The following PCDH15 variants were observed in gnomAD, a reference collection of about 807,000 sequenced individuals.
PCDH15 encodes the protein protocadherin related 15.
In PCDH15, 129 loss-of-function variants were observed where a neutral mutation model predicts 178.5. That is an observed-to-expected ratio of 0.72 (90% CI 0.63 to 0.84). The LOEUF (loss-of-function observed/expected upper bound fraction) is 0.84. Among genes scored for constraint, PCDH15 ranks in the 40% least tolerant of loss-of-function variants. The pLI, the probability that PCDH15 is intolerant of heterozygous loss-of-function variation, is 0.00. For missense variants in PCDH15, 2,230 were observed against 2,099.9 expected (o/e 1.06, Z -1.21); for synonymous variants, 800 against 732.0 (o/e 1.09, Z -1.50).
chr10:54,058,484 C>A (rs1198857536), intron 18 of PCDH15, among the ~76,000 whole-genome samples: 1 of 152,028 alleles, frequency 6.6e-6, no homozygotes, highest in Non-Finnish European at 1.5e-5. Context: ...CTCACTATCC[C>A]AAGAACAGCA....
intron 2 of PCDH15, among the ~76,000 whole-genome samples, chr10:55,454,499 C>A (rs538779313): frequency 6.6e-6 from 1 of 151,782 alleles, no homozygotes; most frequent in Admixed American, 6.6e-5. Context: ...CTAGATAGGC[C>A]GGGTGCTGTG....
rs141338082 is a variant in PCDH15 at position 54,211,265 on chromosome 10, A to G, written c.1098+2671T>C. On this transcript the variant is annotated intron_variant, in intron 10 of 37. Coordinates refer to ENST00000644397, the MANE Select transcript of PCDH15 (RefSeq NM_001384140.1). ...TTAAAAGAGCAACAGAGGTATTATG[A>G]ATAATTACACAAAGACAATGGACAT... Among the ~76,000 whole-genome samples, 1,168 of 152,240 alleles carry G rather than the reference A, an allele frequency of 7.7e-3. 15 individuals carry two copies. Among genetic ancestry groups the G allele is most frequent in the African/African-American group, 0.026 (1,081 of 41,566 alleles).
intron 1 of PCDH15, among the ~76,000 whole-genome samples, chr10:55,284,696 T>C (rs1003636870): frequency 6.6e-6 from 1 of 152,082 alleles, no homozygotes; most frequent in Non-Finnish European, 1.5e-5. Context: ...CTCTAACCTG[T>C]CTTTTGCCTT....
chr10:54,118,000 A>G (rs897105226), intron 15 of PCDH15, among the ~76,000 whole-genome samples: 2 of 152,190 alleles, frequency 1.3e-5, no homozygotes, highest in East Asian at 1.9e-4. Flanking sequence ...GGCTATTACT[A>G]TAAAGCTACC....
At chr10:54,929,577 T>A (rs1210737451) in intron 2 of PCDH15, among the ~76,000 whole-genome samples, 1 of 152,234 alleles carries the variant, frequency 6.6e-6, no homozygotes, top group Admixed American at 6.5e-5. Context: ...CTGACCGTTG[T>A]GACAACGGAA....
intron 14 of PCDH15, among the ~76,000 whole-genome samples, chr10:54,150,039 A>C (rs946836775): frequency 6.6e-6 from 1 of 152,130 alleles, no homozygotes; most frequent in Non-Finnish European, 1.5e-5. Context: ...GTCACCAATA[A>C]GTTTGACAGG....
Position 53,823,367 on chromosome 10 carries a change from A to AAAAG in PCDH15, c.4368-3141_4368-3138dup, listed in dbSNP as rs530804327. ...GGTAGAGAAGGAAAAGACTTGAAAG[A>AAAAG]AAAGAAGATAATGAAATGTAAGGAA... is the stretch of plus-strand genomic sequence containing the variant. On this transcript the variant is annotated intron_variant, in intron 32 of 37. Coordinates refer to ENST00000644397, the MANE Select transcript of PCDH15 (RefSeq NM_001384140.1). 2.9e-4 allele frequency: 466 copies of AAAAG among 1,609,146 alleles called. 3 individuals are homozygous for AAAAG. The Admixed American group carries it at 7.6e-3, about 26-fold the overall frequency.
chr10:53,947,330 A>G (rs2086658612), intron 23 of PCDH15, among the ~76,000 whole-genome samples: 1 of 152,150 alleles, frequency 6.6e-6, no homozygotes, highest in South Asian at 2.1e-4. Flanking sequence ...TAAAGCTTCT[A>G]ATTATTTTAA....
Position 55,294,057 on chromosome 10 carries a change from TGAG to T in PCDH15, c.-156+25539_-156+25541del, listed in dbSNP as rs1843076990. On this transcript the variant is annotated intron_variant, in intron 1 of 5. Coordinates refer to the PCDH15 transcript ENST00000458638. ...AATGGACTTAACAGTTCCACATGGCTGAGGAGGTCTCATAGTCATGGCAGAAAG... is the reference window on the plus strand; with the variant it reads ...AATGGACTTAACAGTTCCACATGGCTGAGGTCTCATAGTCATGGCAGAAAG... Among the ~76,000 whole-genome samples, 3 of 152,184 alleles carry T rather than the reference TGAG, an allele frequency of 2.0e-5. No individual in the cohort carries two copies. In the South Asian group the frequency reaches 6.2e-4, roughly 32 times the overall value.
chr10:55,054,814 C>G (rs2131991896), intron 2 of PCDH15, among the ~76,000 whole-genome samples: 1 of 152,244 alleles, frequency 6.6e-6, no homozygotes, highest in Non-Finnish European at 1.5e-5. Flanking sequence ...TATATGGTTT[C>G]TTTTGAAAAG....
intron 3 of PCDH15, among the ~76,000 whole-genome samples, chr10:54,504,423 T>C (rs913332340): frequency 2.0e-5 from 3 of 151,938 alleles, no homozygotes; most frequent in African/African-American, 7.3e-5. Context: ...TTCCCTCCAC[T>C]AGATGGTTAA....
chr10:55,035,603 C>G (rs1406151444), intron 2 of PCDH15, among the ~76,000 whole-genome samples: 1 of 152,052 alleles, frequency 6.6e-6, no homozygotes, highest in Non-Finnish European at 1.5e-5. Flanking sequence ...AAAGCAAGAG[C>G]AACATTGCAT....
chr10:55,330,868 GTA>G (rs765520413), intron 2 of PCDH15, among the ~76,000 whole-genome samples: 12 of 128,356 alleles, frequency 9.3e-5, no homozygotes, highest in African/African-American at 2.8e-4. Flanking sequence ...GTGTGTGTGT[GTA>G]TGTGTATGTG....
At chr10:54,167,160 C>T (rs2046320154) in intron 13 of PCDH15, among the ~76,000 whole-genome samples, 1 of 152,164 alleles carries the variant, frequency 6.6e-6, no homozygotes, top group African/African-American at 2.4e-5. Flanking sequence ...GGGGGACCTC[C>T]CTTGGGAGAT....
intron 26 of PCDH15, among the ~76,000 whole-genome samples, chr10:53,902,492 T>C (rs776913566): frequency 4.6e-5 from 7 of 152,162 alleles, no homozygotes; most frequent in African/African-American, 1.7e-4. Context: ...CTGTCCAAAA[T>C]TAACTCCGCA....
At chr10:55,326,884 C>T (rs541722462) in intron 2 of PCDH15, among the ~76,000 whole-genome samples, 1 of 152,098 alleles carries the variant, frequency 6.6e-6, no homozygotes, top group Non-Finnish European at 1.5e-5. Context: ...AAGCATGGTA[C>T]ATTTAAAAAT....
intron 3 of PCDH15, among the ~76,000 whole-genome samples, chr10:54,435,698 C>T (rs1340054547): frequency 4.6e-5 from 7 of 152,048 alleles, no homozygotes; most frequent in African/African-American, 1.2e-4. Flanking sequence ...AGGACAGGCG[C>T]GGTGGCTCAC....
intron 6 of PCDH15, among the ~76,000 whole-genome samples, chr10:54,341,647 T>C (rs1029527786): frequency 6.6e-6 from 1 of 151,966 alleles, no homozygotes; most frequent in African/African-American, 2.4e-5. Context: ...GTTGGAACAG[T>C]TTGGAGGGCT....
At chr10:55,442,877 C>T (rs998085265) in intron 2 of PCDH15, among the ~76,000 whole-genome samples, 9 of 151,818 alleles carry the variant, frequency 5.9e-5, no homozygotes, top group African/African-American at 2.2e-4. Context: ...TTGTGTATCA[C>T]GTTTTGTCCC....
Sources: gnomAD v4.1 joint callset for allele counts (sites outside exome capture counted in the v4.1 genomes callset) on GRCh38, gnomAD v4.1.1 for gene constraint, MANE v1.5 for transcripts, NCBI Gene and HGNC (gene_info 2026-07-23, HGNC 2026-07-21) for gene names.